The following TRHDE variants were observed in gnomAD, a reference collection of about 807,000 sequenced individuals.
TRHDE encodes the protein thyrotropin releasing hormone degrading enzyme, also known as thyrotropin-releasing hormone-degrading ectoenzyme.
TRHDE carries 72 observed loss-of-function variants against 125.7 expected under a neutral mutation model. The ratio of observed to expected loss-of-function variants is 0.57; its 90% CI spans 0.47 to 0.70. The LOEUF is 0.70. TRHDE is among the 30% of genes least tolerant of loss of function. TRHDE has a pLI of 0.00. For synonymous variants in TRHDE, 509 were observed against 509.1 expected (o/e 1.00, Z 0.00); for missense variants, 1,110 against 1,327.1 (o/e 0.84, Z 2.54).
At chr12:72,507,950 T>G (rs912734794) in intron 6 of TRHDE, among the ~76,000 whole-genome samples, 2 of 152,218 alleles carry the variant, frequency 1.3e-5, no homozygotes, top group Non-Finnish European at 2.9e-5. Context: ...AGGTATAGCT[T>G]GGGTCATAGC....
intron 10 of TRHDE, among the ~76,000 whole-genome samples, chr12:72,572,111 A>G (rs961987915): frequency 1.3e-5 from 2 of 152,174 alleles, no homozygotes; most frequent in African/African-American, 4.8e-5. Flanking sequence ...GTTTTACAAA[A>G]TATCCTCATT....
intron 2 of TRHDE, among the ~76,000 whole-genome samples, chr12:72,170,822 C>G (rs1407989669): frequency 1.3e-5 from 2 of 152,180 alleles, no homozygotes; most frequent in Non-Finnish European, 1.5e-5. Context: ...CACAATTTCT[C>G]TCTCTCTCTG....
At chr12:72,621,605 ACTTT>A (rs747782235) in intron 14 of TRHDE, 35 bp from the exon 15 acceptor site, 877 of 1,463,498 alleles carry the variant, frequency 6.0e-4, no homozygotes, top group Non-Finnish European at 7.6e-4. Context: ...AATTTCCCTA[ACTTT>A]CTTTTTAATT....
At chr12:72,540,281 TATACA>T (rs1168061802) in intron 6 of TRHDE, among the ~76,000 whole-genome samples, 1 of 151,748 alleles carries the variant, frequency 6.6e-6, no homozygotes, top group Non-Finnish European at 1.5e-5. Flanking sequence ...TTAATTGAGT[TATACA>T]ATATAATATA....
intron 2 of TRHDE, among the ~76,000 whole-genome samples, chr12:72,313,960 T>C (rs1342777728): frequency 6.6e-6 from 1 of 152,192 alleles, no homozygotes; most frequent in Non-Finnish European, 1.5e-5. Context: ...CAGCGTCCGT[T>C]TGCTTTGCAT....
intron 1 of TRHDE, among the ~76,000 whole-genome samples, chr12:72,105,469 C>T (rs1001965835): frequency 1.1e-4 from 16 of 152,122 alleles, no homozygotes; most frequent in Non-Finnish European, 1.2e-4. Flanking sequence ...AGATTATGGA[C>T]AGCTGTGAAT....
rs1873051180 is a variant in TRHDE, at chr12:72,621,539, C to T, written c.2568-105C>T. 25 of 837,652 alleles carry T rather than the reference C, an allele frequency of 3.0e-5. No homozygotes were observed. In the South Asian group the frequency reaches 4.0e-4, roughly 13 times the overall value. 51.9% of individuals were successfully genotyped at this position (837,652 alleles called of 1,614,324 possible). On this transcript the variant is annotated intron_variant, in intron 14 of 18. Coordinates refer to ENST00000261180, the MANE Select transcript of TRHDE (RefSeq NM_013381.3). ...CTTTTACTCAGCAGCATAGGATTTC[C>T]AGATCTAAAAACCATTTTTATGTTA...
intron 2 of TRHDE, among the ~76,000 whole-genome samples, chr12:72,351,589 G>A (rs768331368): frequency 7.2e-5 from 11 of 151,968 alleles, no homozygotes; most frequent in Non-Finnish European, 1.2e-4. Flanking sequence ...TATCTCTAGA[G>A]TCCCTGAGCC....
chr12:72,159,733 G>A (rs1227875178), intron 2 of TRHDE, among the ~76,000 whole-genome samples: 1 of 151,860 alleles, frequency 6.6e-6, no homozygotes, highest in Non-Finnish European at 1.5e-5. Context: ...TTCTCATCCT[G>A]TCTTTATTTC....
intron 12 of TRHDE, among the ~76,000 whole-genome samples, chr12:72,580,832 T>C (rs1261416317): frequency 6.6e-6 from 1 of 152,216 alleles, no homozygotes; most frequent in Non-Finnish European, 1.5e-5. Context: ...TTATTTTCAG[T>C]GAACTCACAA....
At chr12:72,358,057 TGGATTGCA>T (rs1242781558) in intron 2 of TRHDE, among the ~76,000 whole-genome samples, 1 of 151,610 alleles carries the variant, frequency 6.6e-6, no homozygotes, top group African/African-American at 2.4e-5. Context: ...TTCAATTTTG[TGGATTGCA>T]ACTGAAACAG....
chr12:72,222,439 A>C (rs1413442093), intron 2 of TRHDE, among the ~76,000 whole-genome samples: 1 of 152,144 alleles, frequency 6.6e-6, no homozygotes, highest in Non-Finnish European at 1.5e-5. Flanking sequence ...TCGTAGATCA[A>C]TGATTTTCAA....
intron 12 of TRHDE, among the ~76,000 whole-genome samples, chr12:72,595,336 T>G (rs1004712313): frequency 6.6e-6 from 1 of 151,202 alleles, no homozygotes; most frequent in Non-Finnish European, 1.5e-5. Context: ...CATGAATTTT[T>G]TTATTACGAA....
chr12:72,496,063 G>A (rs569665852), intron 5 of TRHDE, among the ~76,000 whole-genome samples: 6 of 152,168 alleles, frequency 3.9e-5, no homozygotes, highest in Admixed American at 1.3e-4. Flanking sequence ...TTATTGTGCT[G>A]CTTTTTCAAA....
At chr12:72,226,669 C>G (rs1436039059) in intron 2 of TRHDE, among the ~76,000 whole-genome samples, 2 of 152,132 alleles carry the variant, frequency 1.3e-5, no homozygotes, top group Non-Finnish European at 2.9e-5. Flanking sequence ...GAAGAATACA[C>G]TAAAGTGATA....
chr12:72,389,886 G>C (rs1872559710), intron 3 of TRHDE, among the ~76,000 whole-genome samples: 1 of 152,166 alleles, frequency 6.6e-6, no homozygotes, highest in Non-Finnish European at 1.5e-5. Context: ...AAGCAGAGAG[G>C]AGCTACTGCA....
At chr12:72,419,238 C>T (rs1873851973) in intron 3 of TRHDE, among the ~76,000 whole-genome samples, 1 of 151,972 alleles carries the variant, frequency 6.6e-6, no homozygotes, top group Non-Finnish European at 1.5e-5. Context: ...TCTATTTATC[C>T]AGGAAGTTTC....
intron 2 of TRHDE, among the ~76,000 whole-genome samples, chr12:72,227,458 C>T (rs974392219): frequency 2.6e-5 from 4 of 152,164 alleles, no homozygotes; most frequent in Admixed American, 2.6e-4. Context: ...CCCTGTGATT[C>T]AATTAACTCC....
chr12:72,250,862 A>ATATATATAT (rs981275202), intron 2 of TRHDE, among the ~76,000 whole-genome samples: 2 of 144,262 alleles, frequency 1.4e-5, no homozygotes, highest in Admixed American at 1.4e-4. Context: ...ATATATATAT[A>ATATATATAT]TTTTATTTTT....
Sources: gnomAD v4.1 joint callset for allele counts (sites outside exome capture counted in the v4.1 genomes callset) on GRCh38, gnomAD v4.1.1 for gene constraint, MANE v1.5 for transcripts, NCBI Gene and HGNC (gene_info 2026-07-23, HGNC 2026-07-21) for gene names.